MAN1A2: variants seen among roughly 807,000 people sequenced by gnomAD.
MAN1A2 encodes mannosidase alpha class 1A member 2.
Under a neutral mutation model 75.7 loss-of-function variants are expected in MAN1A2, and 26 were observed. That is an observed-to-expected ratio of 0.34 (90% CI 0.25 to 0.48). The LOEUF (loss-of-function observed/expected upper bound fraction) is 0.48, where lower values mean the gene tolerates loss of function less well. MAN1A2 is among the 20% of genes least tolerant of loss of function. MAN1A2 has a pLI of 0.99. For synonymous variants in MAN1A2, 247 were observed against 264.6 expected (o/e 0.93, Z 0.65); for missense variants, 562 against 775.5 (o/e 0.72, Z 3.27).
At chr1:117,498,448 T>C (rs1246609487) in intron 10 of MAN1A2, among the ~76,000 whole-genome samples, 3 of 151,898 alleles carry the variant, frequency 2.0e-5, no homozygotes, top group African/African-American at 7.2e-5. Flanking sequence ...AGCCATTATA[T>C]GCCAAGTATT....
At chr1:117,372,664 A>G (rs1012923766) in intron 1 of MAN1A2, among the ~76,000 whole-genome samples, 1 of 152,220 alleles carries the variant, frequency 6.6e-6, no homozygotes, top group Non-Finnish European at 1.5e-5. Context: ...AGAAGTTGTT[A>G]TAATATACAT....
At chr1:117,448,317 A>G (rs1649303942) in intron 6 of MAN1A2, among the ~76,000 whole-genome samples, 1 of 152,218 alleles carries the variant, frequency 6.6e-6, no homozygotes, top group Non-Finnish European at 1.5e-5. Context: ...CCGTAATCCA[A>G]TCCAAAATTA....
intron 12 of MAN1A2, among the ~76,000 whole-genome samples, chr1:117,519,107 A>G (rs1313105778): frequency 6.6e-6 from 1 of 152,124 alleles, no homozygotes; most frequent in African/African-American, 2.4e-5. Flanking sequence ...AAACGAAATC[A>G]AGATGAAAAT....
At chr1:117,436,910 A>G (rs1648868031) in intron 5 of MAN1A2, among the ~76,000 whole-genome samples, 1 of 152,228 alleles carries the variant, frequency 6.6e-6, no homozygotes, top group South Asian at 2.1e-4. Flanking sequence ...AGGCTGACTT[A>G]TTAGCTTGCA....
intron 4 of MAN1A2, among the ~76,000 whole-genome samples, chr1:117,419,547 GA>G (rs1648120378): frequency 6.6e-6 from 1 of 152,082 alleles, no homozygotes; most frequent in Non-Finnish European, 1.5e-5. Context: ...GTTAGCAGAT[GA>G]TGTGCCTGCC....
chr1:117,411,170 G>T (rs548067324), intron 3 of MAN1A2, among the ~76,000 whole-genome samples: 2 of 151,646 alleles, frequency 1.3e-5, no homozygotes, highest in African/African-American at 2.4e-5. Flanking sequence ...CAAGTTGAAG[G>T]ATTTGCACTA....
intron 6 of MAN1A2, 31 bp from the exon 7 acceptor site, chr1:117,460,458 G>C (rs754282300): frequency 6.4e-7 from 1 of 1,559,296 alleles, no homozygotes; most frequent in South Asian, 1.2e-5. Context: ...TCCCAATCCT[G>C]TGTCTCCTTT....
At chr1:117,490,864 G>C (rs1004826698) in intron 8 of MAN1A2, among the ~76,000 whole-genome samples, 2 of 151,976 alleles carry the variant, frequency 1.3e-5, no homozygotes, top group African/African-American at 4.8e-5. Flanking sequence ...GAATGGTCTG[G>C]GTACCATTCA....
At chr1:117,450,699 T>C (rs1458575960) in intron 6 of MAN1A2, among the ~76,000 whole-genome samples, 5 of 152,198 alleles carry the variant, frequency 3.3e-5, no homozygotes, top group Admixed American at 6.5e-5. Flanking sequence ...TAGCTGTGGC[T>C]GAAAGGGGCC....
intron 5 of MAN1A2, among the ~76,000 whole-genome samples, chr1:117,429,748 C>T (rs1470954113): frequency 6.9e-5 from 7 of 102,144 alleles, no homozygotes; most frequent in African/African-American, 1.2e-4. Flanking sequence ...GGCGGCTGGC[C>T]GGGCGGGGGG....
At chr1:117,383,214 T>C (rs1444282310) in intron 1 of MAN1A2, among the ~76,000 whole-genome samples, 1 of 152,122 alleles carries the variant, frequency 6.6e-6, no homozygotes, top group Non-Finnish European at 1.5e-5. Flanking sequence ...TCTTCTATTT[T>C]TAGTATGAGC....
At chr1:117,472,557 T>A (rs902675162) in intron 8 of MAN1A2, among the ~76,000 whole-genome samples, 9 of 152,052 alleles carry the variant, frequency 5.9e-5, no homozygotes, top group African/African-American at 1.9e-4. Flanking sequence ...ATACATGATG[T>A]GATGTAATAT....
At chr1:117,483,831 T>G (rs960760752) in intron 8 of MAN1A2, among the ~76,000 whole-genome samples, 2 of 152,212 alleles carry the variant, frequency 1.3e-5, no homozygotes, top group South Asian at 4.1e-4. Context: ...AAGGGAATGC[T>G]TCCAGTTTTT....
At chr1:117,503,549 A>T (rs1392345793) in intron 12 of MAN1A2, among the ~76,000 whole-genome samples, 3 of 151,658 alleles carry the variant, frequency 2.0e-5, no homozygotes, top group Non-Finnish European at 3.0e-5. Flanking sequence ...GGTCTCTGTA[A>T]ACAGACCTGG....
intron 6 of MAN1A2, among the ~76,000 whole-genome samples, chr1:117,450,965 G>A (rs1243998024): frequency 6.6e-6 from 1 of 152,200 alleles, no homozygotes; most frequent in African/African-American, 2.4e-5. Context: ...ACCTGCTGGG[G>A]CACCACCTAG....
rs1344676466 is a variant in MAN1A2, at chr1:117,412,869, C to T, written c.656-1844C>T. 5.9e-5 allele frequency among the ~76,000 whole-genome samples: 9 copies of T among 151,908 alleles called. No homozygotes were observed. The South Asian group carries it at 1.4e-3, about 24-fold the overall frequency. On this transcript the variant is annotated intron_variant, in intron 3 of 12. Coordinates refer to ENST00000356554, the MANE Select transcript of MAN1A2 (RefSeq NM_006699.5). ...CAAGACTGGTACAGAATAGGTGGGT[C>T]AGGCCTTTTTCCACTCCAGAATAGT... is the stretch of plus-strand genomic sequence containing the variant.
intron 5 of MAN1A2, among the ~76,000 whole-genome samples, chr1:117,441,277 A>G (rs1290668805): frequency 6.6e-6 from 1 of 152,116 alleles, no homozygotes; most frequent in African/African-American, 2.4e-5. Flanking sequence ...ATGCTTTGTT[A>G]TAATATAATC....
At chr1:117,459,786 G>A (rs1649755264) in intron 6 of MAN1A2, among the ~76,000 whole-genome samples, 1 of 152,078 alleles carries the variant, frequency 6.6e-6, no homozygotes, top group South Asian at 2.1e-4. Flanking sequence ...TAGCCCAAGG[G>A]ACCATCAATA....
rs1217257872 is a variant in MAN1A2 at position 117,528,219 on chromosome 1, T to C, written c.*5262T>C. 1.3e-5 allele frequency: 2 copies of C among 152,092 alleles called. No individual in the cohort carries two copies. The highest frequency in any genetic ancestry group is 3.8e-4 in the East Asian group (2 of 5,196). The allele number at this position is 152,092 out of a possible 1,614,324, so 9.4% of individuals were successfully genotyped here. On this transcript the variant is annotated 3_prime_UTR_variant, in exon 13 of 13. Transcript: ENST00000356554. ...CACACCATATTACTAGCATATACATTGCAGTGCTCCAATCATGCTAACAGA... is the reference window on the plus strand; with the variant it reads ...CACACCATATTACTAGCATATACATCGCAGTGCTCCAATCATGCTAACAGA...
Sources: allele counts gnomAD v4.1 joint callset (sites outside exome capture counted in the v4.1 genomes callset), GRCh38; gene constraint gnomAD v4.1.1; transcripts MANE v1.5; gene names NCBI Gene and HGNC (gene_info 2026-07-23, HGNC 2026-07-21).